Variants in NNT observed in about 807,000 individuals in gnomAD.
NNT encodes the protein NAD(P) transhydrogenase, mitochondrial.
NNT carries 50 observed loss-of-function variants against 104.8 expected under a neutral mutation model. That is an observed-to-expected ratio of 0.48 (90% CI 0.38 to 0.60). The LOEUF is 0.60. Ranked by LOEUF, NNT falls within the 20% of genes least tolerant of loss-of-function variation. The pLI, the probability that NNT is intolerant of heterozygous loss-of-function variation, is 0.00. For synonymous variants in NNT, 461 were observed against 490.4 expected (o/e 0.94, Z 0.79); for missense variants, 1,131 against 1,330.7 (o/e 0.85, Z 2.33).
rs1234184719 is a variant in NNT, at chr5:43,665,233, TA to T, written c.2634+5884del. ...TTATTTATTTATTTATTATTATTAT[TA>T]TTATTATTTTTTAGTATTTATTGAT... is the stretch of plus-strand genomic sequence containing the variant. On this transcript the variant is annotated intron_variant, in intron 17 of 21. Coordinates refer to ENST00000344920, the MANE Select transcript of NNT (RefSeq NM_182977.3). 8.7e-5 allele frequency among the ~76,000 whole-genome samples: 13 copies of T among 150,148 alleles called. 1 individual carries two copies. Among genetic ancestry groups the T allele is most frequent in the African/African-American group, 2.9e-4 (12 of 41,022 alleles).
rs1026839193 is a variant in NNT at position 43,624,120 on chromosome 5, G to A, written c.776G>A (p.Arg259Lys). The A allele has an allele frequency of 6.2e-7, 1 of 1,613,978 alleles. No individual in the cohort carries two copies. Among genetic ancestry groups the A allele is most frequent in the Non-Finnish European group, 8.5e-7 (1 of 1,179,870 alleles). Reference protein sequence around the residue: ...MGAIVRGFDTRAAALEQFKSL... With the variant: ...MGAIVRGFDTKAAALEQFKSL... ...GCAATTGTTCGAGGATTTGACACAA[G>A]GTGAGTGCTTTACTAGTGACTGATG... The change falls in exon 6 of 22, where the codon AGA (arginine) becomes AAA (lysine). Residue 259 changes from arginine to lysine, a missense_variant and splice_region_variant. Transcript: ENST00000344920.
chr5:43,666,236 G>A (rs1740668184), intron 17 of NNT, among the ~76,000 whole-genome samples: 1 of 152,182 alleles, frequency 6.6e-6, no homozygotes, highest in Non-Finnish European at 1.5e-5. Context: ...GGAGGCCAAG[G>A]CAGGCGGCTG....
chr5:43,659,308 C>T lies in NNT; in HGVS notation c.2592C>T (p.Leu864=), dbSNP rs755375480. Residue 864 remains leucine, a synonymous_variant, in exon 17 of 22, where the codon CTC becomes CTT. Coordinates refer to ENST00000344920, the MANE Select transcript of NNT (RefSeq NM_182977.3). ...NNNLLTIVGA[L]IGSSGAILSY... is the part of the protein sequence containing the mutation. ...ATCTGCTGACCATCGTGGGTGCACT[C>T]ATAGGCTCGTCTGGTGCTATCCTGT... 5.0e-6 allele frequency: 8 copies of T among 1,613,726 alleles called. No individual in the cohort carries two copies. The highest frequency in any genetic ancestry group is 1.3e-5 in the African/African-American group (1 of 74,860).
intron 3 of NNT, among the ~76,000 whole-genome samples, chr5:43,614,826 G>T (rs914072527): frequency 6.6e-6 from 1 of 152,238 alleles, no homozygotes; most frequent in African/African-American, 2.4e-5. Context: ...TTAAAATACA[G>T]TTTTAAAAAT....
At chr5:43,660,185 A>C (rs1463329956) in intron 17 of NNT, among the ~76,000 whole-genome samples, 1 of 152,206 alleles carries the variant, frequency 6.6e-6, no homozygotes, top group South Asian at 2.1e-4. Context: ...CTTAAGATAG[A>C]TTCCTAGAAT....
intron 19 of NNT, among the ~76,000 whole-genome samples, chr5:43,686,916 C>A (rs1383005473): frequency 6.6e-6 from 1 of 152,062 alleles, no homozygotes; most frequent in Non-Finnish European, 1.5e-5. Flanking sequence ...ATGCTTTGAA[C>A]CTGGCAGTGG....
In NNT at chr5:43,677,494, C is replaced by T. The variant is rs140244368; in HGVS notation, c.2795-231C>T. 6.2e-3 allele frequency among the ~76,000 whole-genome samples: 945 copies of T among 151,954 alleles called. 3 individuals are homozygous for T. Among genetic ancestry groups the T allele is most frequent in the Non-Finnish European group, 9.2e-3 (622 of 67,956 alleles). ...GTGTGCAGTGTCGGGGGTGGGGTTG[C>T]ACAGCAGCATGAGACACTACAGAAG... On this transcript the variant is annotated intron_variant, in intron 18 of 21. Transcript: ENST00000344920.
At chr5:43,690,787 AT>A (rs1742230143) in intron 19 of NNT, among the ~76,000 whole-genome samples, 1 of 151,942 alleles carries the variant, frequency 6.6e-6, no homozygotes, top group Non-Finnish European at 1.5e-5. Flanking sequence ...TCTTGGATTC[AT>A]TTTGGATTGA....
chr5:43,633,469 C>T (rs1422787862), intron 7 of NNT, among the ~76,000 whole-genome samples: 3 of 152,178 alleles, frequency 2.0e-5, no homozygotes, highest in Non-Finnish European at 2.9e-5. Context: ...TTTTTGAAAT[C>T]CTACTCAACT....
chr5:43,638,874 A>G (rs970612905), intron 7 of NNT, among the ~76,000 whole-genome samples: 1 of 151,354 alleles, frequency 6.6e-6, no homozygotes, highest in African/African-American at 2.4e-5. Context: ...TAATTAATTA[A>G]TTTTTTCTTT....
At chr5:43,645,190 T>C (rs7713749) in intron 9 of NNT, among the ~76,000 whole-genome samples, 167 bp from the exon 10 acceptor site, 22,023 of 152,156 alleles carry the variant, frequency 0.14, 2,400 homozygotes, top group African/African-American at 0.3. Flanking sequence ...TATTTGTATA[T>C]GTATGTGACA....
rs369840579 is a variant in NNT, at chr5:43,653,225, T to C, written c.2059+12T>C. ...GGGTGGTACCATTGGTAAGCACTTG[T>C]GGGCTTCTGCCTTCATGTGAACTCC... is the stretch of plus-strand genomic sequence containing the variant. On this transcript the variant is annotated intron_variant, in intron 14 of 21. Transcript: ENST00000344920. 11 of 1,605,546 alleles carry C rather than the reference T, an allele frequency of 6.9e-6. No individual in the cohort carries two copies. Among genetic ancestry groups the C allele is most frequent in the Non-Finnish European group, 9.4e-6 (11 of 1,174,054 alleles).
intron 17 of NNT, among the ~76,000 whole-genome samples, chr5:43,666,403 C>T (rs1740685148): frequency 6.6e-6 from 1 of 152,170 alleles, no homozygotes; most frequent in African/African-American, 2.4e-5. Flanking sequence ...CCAGCCCGGC[C>T]AACACGGCGA....
chr5:43,649,097 T>G, intron 10 of NNT, 50 bp from the exon 11 acceptor site: 19 of 1,588,038 alleles, frequency 1.2e-5, no homozygotes, highest in Non-Finnish European at 1.6e-5. Flanking sequence ...TTAATCTTAC[T>G]GAGATAACTG....
intron 16 of NNT, among the ~76,000 whole-genome samples, chr5:43,658,660 A>C (rs940690889): frequency 3.9e-5 from 6 of 152,214 alleles, no homozygotes; most frequent in African/African-American, 9.6e-5. Flanking sequence ...AGATTTGAGT[A>C]GAATTTATAA....
intron 19 of NNT, among the ~76,000 whole-genome samples, chr5:43,699,442 C>G (rs145712822): frequency 0.014 from 2,088 of 151,364 alleles, 39 homozygotes; most frequent in African/African-American, 0.043. Flanking sequence ...CAATCTCCTC[C>G]TCCTGGGTAC....
chr5:43,627,273 C>G (rs1750421731), intron 6 of NNT, among the ~76,000 whole-genome samples: 1 of 152,162 alleles, frequency 6.6e-6, no homozygotes, highest in Non-Finnish European at 1.5e-5. Flanking sequence ...TATGTCCTAC[C>G]CTTTATGCAT....
chr5:43,687,286 G>A (rs1429769647), intron 19 of NNT, among the ~76,000 whole-genome samples: 1 of 152,106 alleles, frequency 6.6e-6, no homozygotes, highest in Admixed American at 6.5e-5. Flanking sequence ...GTCAGGGATA[G>A]CTCATTCTTT....
intron 14 of NNT, among the ~76,000 whole-genome samples, chr5:43,654,446 T>C (rs1257310492): frequency 6.6e-6 from 1 of 152,246 alleles, no homozygotes. Context: ...AAAACTATTA[T>C]CAGATTCAGC....
Sources: gnomAD v4.1 joint callset for allele counts (sites outside exome capture counted in the v4.1 genomes callset) on GRCh38, gnomAD v4.1.1 for gene constraint, MANE v1.5 for transcripts, NCBI Gene and HGNC (gene_info 2026-07-23, HGNC 2026-07-21) for gene names.